The following CAST variants were observed in gnomAD, a reference collection of about 807,000 sequenced individuals.
The protein encoded by CAST is MIR583 host.
A neutral mutation model predicts 119.6 loss-of-function variants in CAST; 76 were observed. That is an observed-to-expected ratio of 0.64 (90% CI 0.53 to 0.77). The LOEUF is 0.77. Ranked by LOEUF, CAST falls within the 30% of genes least tolerant of loss-of-function variation. The probability of loss-of-function intolerance (pLI) is 0.00; values close to 1 mark genes in which losing one functional copy is unlikely to be tolerated. For missense variants in CAST, 953 were observed against 946.5 expected (o/e 1.01, Z -0.09); for synonymous variants, 319 against 331.6 (o/e 0.96, Z 0.41).
At chr5:96,550,961 G>A (rs188170341) in intron 1 of CAST, among the ~76,000 whole-genome samples, 4 of 152,224 alleles carry the variant, frequency 2.6e-5, no homozygotes, top group Admixed American at 6.5e-5. Context: ...TGAAAGTCAC[G>A]GGGGGAATGG....
At chr5:96,365,453 T>G in the CAST span, among the ~76,000 whole-genome samples, 3 of 152,162 alleles carry the variant, frequency 2.0e-5, no homozygotes, top group African/African-American at 4.8e-5. Context: ...TATTGTGTGG[T>G]AGTCTAAGTC....
chr5:96,479,942 A>T, the CAST span, among the ~76,000 whole-genome samples: 3 of 152,206 alleles, frequency 2.0e-5, no homozygotes, highest in African/African-American at 7.2e-5. Context: ...CTCTAAGTTG[A>T]GGGAAAGCTG....
chr5:95,987,302 C>G, the CAST span, among the ~76,000 whole-genome samples: 2 of 152,032 alleles, frequency 1.3e-5, no homozygotes, highest in Non-Finnish European at 2.9e-5. Flanking sequence ...TTCTCTCTCT[C>G]TCTTTCAGCA....
chr5:96,230,160 A>G, the CAST span, among the ~76,000 whole-genome samples: 5 of 152,178 alleles, frequency 3.3e-5, no homozygotes, highest in Non-Finnish European at 5.9e-5. Context: ...GTCCTGCAGT[A>G]TGAGCACAGA....
At chr5:96,350,533 A>G in the CAST span, among the ~76,000 whole-genome samples, 8 of 152,108 alleles carry the variant, frequency 5.3e-5, no homozygotes, top group African/African-American at 1.9e-4. Context: ...GGAGCCCACA[A>G]GGAATTTCCT....
chr5:96,768,083 C>T (rs150256309), intron 29 of CAST, 84 bp downstream of exon 29: 17 of 902,022 alleles, frequency 1.9e-5, no homozygotes, highest in Non-Finnish European at 2.9e-5. Context: ...ATTGATTGAT[C>T]TATCTATCGG....
At chr5:96,386,201 C>T in the CAST span, among the ~76,000 whole-genome samples, 1 of 152,184 alleles carries the variant, frequency 6.6e-6, no homozygotes, top group Non-Finnish European at 1.5e-5. Context: ...AAAATTGTTA[C>T]TCCAATTTCT....
chr5:96,439,088 TG>T, the CAST span, among the ~76,000 whole-genome samples: 3 of 152,222 alleles, frequency 2.0e-5, no homozygotes, highest in Non-Finnish European at 4.4e-5. Context: ...AACTGTTCAC[TG>T]GCATAATTTA....
the CAST span, among the ~76,000 whole-genome samples, chr5:96,043,621 A>G: frequency 6.6e-6 from 1 of 152,214 alleles, no homozygotes; most frequent in African/African-American, 2.4e-5. Flanking sequence ...ATAGTCTCCC[A>G]TTAACATCTA....
At position 96,767,873 on chromosome 5, in the gene CAST, T is replaced by G. The variant is rs373448789; in HGVS notation, c.2176-34T>G. ...CCCATATTGCATTTTGCCTTCTGCTTCTTCACTGATGGTTATTTCTACTCA... is the reference window on the plus strand; with the variant it reads ...CCCATATTGCATTTTGCCTTCTGCTGCTTCACTGATGGTTATTTCTACTCA... On this transcript the variant is annotated intron_variant, in intron 28 of 31. Coordinates refer to ENST00000675179, the MANE Select transcript of CAST (RefSeq NM_001750.7). The G allele has an allele frequency of 5.6e-6, 8 of 1,428,464 alleles. No individual in the cohort carries two copies. The African/African-American group carries it at 8.4e-5, about 15-fold the overall frequency. The allele number at this position is 1,428,464 out of a possible 1,614,324, so 88.5% of individuals were successfully genotyped here.
chr5:96,063,038 A>G, the CAST span, among the ~76,000 whole-genome samples: 31 of 152,140 alleles, frequency 2.0e-4, no homozygotes, highest in Non-Finnish European at 4.1e-4. Flanking sequence ...CTGCAGGAAG[A>G]GATGACCAAT....
intron 1 of CAST, among the ~76,000 whole-genome samples, chr5:96,620,167 C>T (rs752583584): frequency 1.3e-5 from 2 of 152,224 alleles, no homozygotes; most frequent in South Asian, 2.1e-4. Flanking sequence ...CAATTCTCTC[C>T]TCCCTTGTCC....
the CAST span, among the ~76,000 whole-genome samples, chr5:96,466,221 G>C: frequency 6.6e-6 from 1 of 152,028 alleles, no homozygotes; most frequent in African/African-American, 2.4e-5. Flanking sequence ...AAGTTACTTA[G>C]CTTTGTCCTT....
At chr5:96,259,193 A>G in the CAST span, among the ~76,000 whole-genome samples, 5 of 152,234 alleles carry the variant, frequency 3.3e-5, no homozygotes, top group Non-Finnish European at 7.3e-5. Context: ...ATTTGAAAAT[A>G]CAGCATACAT....
chr5:96,750,486 A>T, intron 19 of CAST, 101 bp from the exon 20 acceptor site: 1 of 665,054 alleles, frequency 1.5e-6, no homozygotes, highest in Non-Finnish European at 2.7e-6. Context: ...AATCATGTTC[A>T]CACCATATAA....
At chr5:96,272,019 C>G in the CAST span, among the ~76,000 whole-genome samples, 2 of 152,144 alleles carry the variant, frequency 1.3e-5, no homozygotes, top group African/African-American at 4.8e-5. Flanking sequence ...AAATGCTCAA[C>G]AGCACTAACC....
the CAST span, among the ~76,000 whole-genome samples, chr5:96,442,712 A>G: frequency 3.9e-5 from 6 of 152,234 alleles, no homozygotes; most frequent in Non-Finnish European, 7.3e-5. Context: ...CCAGGAATCT[A>G]CAAACTTCTA....
the CAST span, among the ~76,000 whole-genome samples, chr5:96,467,295 T>C: frequency 6.6e-6 from 1 of 152,088 alleles, no homozygotes; most frequent in Non-Finnish European, 1.5e-5. Context: ...TCTTTTGACT[T>C]TGATGTGGTT....
At chr5:96,140,537 A>G in the CAST span, among the ~76,000 whole-genome samples, 1 of 152,196 alleles carries the variant, frequency 6.6e-6, no homozygotes, top group Non-Finnish European at 1.5e-5. Flanking sequence ...CGGTTTTTAG[A>G]GTTAGATAAA....
Sources: allele counts gnomAD v4.1 joint callset (sites outside exome capture counted in the v4.1 genomes callset), GRCh38; gene constraint gnomAD v4.1.1; transcripts MANE v1.5; gene names NCBI Gene and HGNC (gene_info 2026-07-23, HGNC 2026-07-21).